MYO3B: variants seen among roughly 807,000 people sequenced by gnomAD.
MYO3B encodes the protein myosin IIIB, also known as myosin-IIIb.
In MYO3B, 156 loss-of-function variants were observed where a neutral mutation model predicts 174.6. That is an observed-to-expected ratio of 0.89 (90% CI 0.78 to 1.02). The LOEUF is 1.02. MYO3B is among the 50% of genes least tolerant of loss of function. The probability of loss-of-function intolerance (pLI) is 0.00; values close to 1 mark genes in which losing one functional copy is unlikely to be tolerated. For synonymous variants in MYO3B, 563 were observed against 569.1 expected (o/e 0.99, Z 0.15); for missense variants, 1,632 against 1,639.4 (o/e 1.00, Z 0.08).
At position 170,201,731 on chromosome 2, in the gene MYO3B, T is replaced by C. The variant is rs533831497; in HGVS notation, c.321+1447T>C. On this transcript the variant is annotated intron_variant, in intron 3 of 34. Transcript: ENST00000408978. ...TCCCCCACCCCCACCCCAAGAATAT[T>C]AGGATTTTATCTTGCCAATGAAGCT... Among the ~76,000 whole-genome samples the C allele has an allele frequency of 4.1e-5, 6 of 147,934 alleles. No individual in the cohort carries two copies. In the East Asian group the frequency reaches 1.3e-3, roughly 31 times the overall value.
chr2:170,226,037 C>A (rs2092948640), intron 6 of MYO3B, among the ~76,000 whole-genome samples: 1 of 152,168 alleles, frequency 6.6e-6, no homozygotes, highest in South Asian at 2.1e-4. Flanking sequence ...GACCTGCTTT[C>A]AGTTCTCATA....
intron 32 of MYO3B, among the ~76,000 whole-genome samples, chr2:170,562,786 C>T (rs1301464870): frequency 1.3e-5 from 2 of 152,126 alleles, no homozygotes; most frequent in Non-Finnish European, 2.9e-5. Flanking sequence ...TTACATCCTT[C>T]CTTTATATAG....
chr2:170,280,990 T>C (rs1315376866), intron 7 of MYO3B, among the ~76,000 whole-genome samples: 1 of 152,178 alleles, frequency 6.6e-6, no homozygotes, highest in Non-Finnish European at 1.5e-5. Flanking sequence ...AATTTTTAAA[T>C]ACTTTTTCCT....
At chr2:170,395,508 T>A (rs535299916) in intron 16 of MYO3B, among the ~76,000 whole-genome samples, 2 of 152,286 alleles carry the variant, frequency 1.3e-5, no homozygotes, top group South Asian at 4.2e-4. Flanking sequence ...AAATAGATTA[T>A]GAATTGAGAG....
chr2:170,180,206 C>T (rs1377462232), intron 1 of MYO3B: 1 of 440,750 alleles, frequency 2.3e-6, no homozygotes, highest in Non-Finnish European at 4.6e-6. Context: ...CCGTTAGGGA[C>T]TAATTCAGGG....
chr2:170,268,508 A>T (rs1393979964), intron 7 of MYO3B, among the ~76,000 whole-genome samples: 1 of 152,244 alleles, frequency 6.6e-6, no homozygotes, highest in African/African-American at 2.4e-5. Flanking sequence ...TTATGTGCAT[A>T]AGACTATGTG....
intron 32 of MYO3B, among the ~76,000 whole-genome samples, chr2:170,620,461 T>G (rs1026811675): frequency 1.3e-5 from 2 of 152,212 alleles, no homozygotes; most frequent in African/African-American, 4.8e-5. Context: ...TGACAATAAT[T>G]GTACTTTTGT....
chr2:170,350,005 AT>A (rs1212353318), intron 8 of MYO3B, among the ~76,000 whole-genome samples: 3 of 150,524 alleles, frequency 2.0e-5, no homozygotes, highest in East Asian at 2.0e-4. Context: ...ACAACTGAAC[AT>A]TTTTTTTTCC....
chr2:170,625,317 T>C (rs1229075030), intron 32 of MYO3B, among the ~76,000 whole-genome samples: 2 of 152,192 alleles, frequency 1.3e-5, no homozygotes, highest in African/African-American at 2.4e-5. Context: ...GTGGAGGTAT[T>C]TATCCATTTC....
chr2:170,491,550 C>G (rs1405946225), intron 25 of MYO3B, among the ~76,000 whole-genome samples: 1 of 152,134 alleles, frequency 6.6e-6, no homozygotes, highest in Non-Finnish European at 1.5e-5. Flanking sequence ...CTCAGCCTCC[C>G]GAGTAGCTGG....
chr2:170,394,568 A>G lies in MYO3B; in HGVS notation c.1791+2073A>G, dbSNP rs572736109. Among the ~76,000 whole-genome samples, 61 of 152,336 alleles carry G rather than the reference A, an allele frequency of 4.0e-4. No individual in the cohort carries two copies. In the South Asian group the frequency reaches 0.012, roughly 30 times the overall value. On this transcript the variant is annotated intron_variant, in intron 16 of 34. Transcript: ENST00000408978. ...ACATGAAAAGAAAAAAATGTAAAAG[A>G]TGGTGAACATTTTTCATTTGTGCCT...
At chr2:170,379,380 A>G (rs2094319234) in intron 9 of MYO3B, among the ~76,000 whole-genome samples, 1 of 152,086 alleles carries the variant, frequency 6.6e-6, no homozygotes, top group Non-Finnish European at 1.5e-5. Flanking sequence ...TTTTTGGTAG[A>G]GACGGGATTT....
At chr2:170,635,392 CAT>C (rs1697372471) in intron 32 of MYO3B, among the ~76,000 whole-genome samples, 1 of 151,904 alleles carries the variant, frequency 6.6e-6, no homozygotes, top group African/African-American at 2.4e-5. Context: ...TGTTCTCACT[CAT>C]AGGTGGGAAT....
intron 14 of MYO3B, among the ~76,000 whole-genome samples, chr2:170,388,909 C>T (rs191321336): frequency 5.2e-4 from 79 of 152,294 alleles, no homozygotes; most frequent in Middle Eastern, 3.4e-3. Flanking sequence ...GAGTCATTTA[C>T]GCTTCCCTGT....
At chr2:170,378,392 A>C (rs2094310007) in intron 9 of MYO3B, among the ~76,000 whole-genome samples, 1 of 152,192 alleles carries the variant, frequency 6.6e-6, no homozygotes, top group South Asian at 2.1e-4. Flanking sequence ...TTGCATCTAC[A>C]TCCACTTCTA....
Position 170,537,448 on chromosome 2 carries a change from A to ATTTTTTTTTTTTTTTT in MYO3B, c.3576-5440_3576-5425dup, listed in dbSNP as rs559086883. 4.6e-4 allele frequency among the ~76,000 whole-genome samples: 25 copies of ATTTTTTTTTTTTTTTT among 54,820 alleles called. 5 individuals are homozygous for ATTTTTTTTTTTTTTTT. In the East Asian group the frequency reaches 0.011, roughly 24 times the overall value. The allele number at this position is 54,820 out of a possible 152,430, so 36.0% of individuals were successfully genotyped here. A position where few individuals can be genotyped will look rare whatever the true frequency, so the allele number is the denominator to read the frequency against. ...ACCTTCTCTTATTAAGAGCTCTTTGATTTTTTTTTTTTTTTTTTTTTTTTT... is the reference window on the plus strand; with the variant it reads ...ACCTTCTCTTATTAAGAGCTCTTTGATTTTTTTTTTTTTTTTTTTTTTTTTTTTTTTTTTTTTTTTT... On this transcript the variant is annotated intron_variant, in intron 30 of 34. Coordinates refer to ENST00000408978, the MANE Select transcript of MYO3B (RefSeq NM_138995.5).
At chr2:170,545,569 T>C (rs2106210674) in intron 32 of MYO3B, among the ~76,000 whole-genome samples, 1 of 152,210 alleles carries the variant, frequency 6.6e-6, no homozygotes, top group East Asian at 1.9e-4. Flanking sequence ...AAAAATACAT[T>C]GCATTTTGAA....
At chr2:170,517,612 A>G (rs1688400755) in intron 29 of MYO3B, among the ~76,000 whole-genome samples, 1 of 152,226 alleles carries the variant, frequency 6.6e-6, no homozygotes, top group Admixed American at 6.5e-5. Context: ...GATCAGTGGT[A>G]GCTCTTGGTG....
At chr2:170,244,286 T>C (rs936216040) in intron 7 of MYO3B, among the ~76,000 whole-genome samples, 3 of 152,138 alleles carry the variant, frequency 2.0e-5, no homozygotes, top group Non-Finnish European at 2.9e-5. Context: ...GTTCTAAACT[T>C]AGGGTCATTG....
Sources: allele counts gnomAD v4.1 joint callset (sites outside exome capture counted in the v4.1 genomes callset), GRCh38; gene constraint gnomAD v4.1.1; transcripts MANE v1.5; gene names NCBI Gene and HGNC (gene_info 2026-07-23, HGNC 2026-07-21).